The following CCNYL1 variants were observed in gnomAD, a reference collection of about 807,000 sequenced individuals.
CCNYL1 encodes cyclin Y like 1, also known as cyclin-Y-like protein 1.
Under a neutral mutation model 44.2 loss-of-function variants are expected in CCNYL1, and 16 were observed. The ratio of observed to expected loss-of-function variants is 0.36; its 90% CI spans 0.25 to 0.55. The LOEUF is 0.55. CCNYL1 is among the 20% of genes least tolerant of loss of function. The pLI, the probability that CCNYL1 is intolerant of heterozygous loss-of-function variation, is 0.85. For synonymous variants in CCNYL1, 159 were observed against 163.2 expected (o/e 0.97, Z 0.20); for missense variants, 348 against 451.8 (o/e 0.77, Z 2.08).
chr2:207,729,259 CGCCCCCACCCCACCCCCCCCA>C (rs2091704889), intron 3 of CCNYL1, among the ~76,000 whole-genome samples: 1 of 85,570 alleles, frequency 1.2e-5, no homozygotes, highest in African/African-American at 6.6e-5. Context: ...CGCCCCCCCC[CGCCCCCACCCCACCCCCCCCA>C]CCCCCCCGCA....
At chr2:207,733,253 T>C (rs923728799) in intron 3 of CCNYL1, among the ~76,000 whole-genome samples, 1 of 152,244 alleles carries the variant, frequency 6.6e-6, no homozygotes, top group South Asian at 2.1e-4. Flanking sequence ...CATTTTGAAA[T>C]GGAGAGTGTT....
intron 2 of CCNYL1, among the ~76,000 whole-genome samples, chr2:207,725,608 A>G (rs1203332945): frequency 6.6e-6 from 1 of 152,200 alleles, no homozygotes; most frequent in Non-Finnish European, 1.5e-5. Flanking sequence ...CAATGCTCTA[A>G]CCACATGAGC....
At chr2:207,750,694 G>GTT (rs769977230) in intron 8 of CCNYL1, 6 of 352,926 alleles carry the variant, frequency 1.7e-5, no homozygotes, top group Non-Finnish European at 3.1e-5. Flanking sequence ...ATGGAACTCT[G>GTT]AAGAATGAGG....
At chr2:207,721,739 T>G (rs1559165312) in intron 1 of CCNYL1, among the ~76,000 whole-genome samples, 4 of 152,076 alleles carry the variant, frequency 2.6e-5, no homozygotes, top group Non-Finnish European at 5.9e-5. Context: ...TTTTTGTTTT[T>G]TTTTTTTTTG....
At chr2:207,743,818 G>GTTTTTT (rs2091831120) in intron 7 of CCNYL1, among the ~76,000 whole-genome samples, 1 of 150,986 alleles carries the variant, frequency 6.6e-6, no homozygotes, top group African/African-American at 2.5e-5. Flanking sequence ...TTTTGTTTTT[G>GTTTTTT]TTTTTGTTTT....
At chr2:207,716,267 T>C (rs1251604823) in intron 1 of CCNYL1, among the ~76,000 whole-genome samples, 1 of 152,110 alleles carries the variant, frequency 6.6e-6, no homozygotes, top group Non-Finnish European at 1.5e-5. Flanking sequence ...AGGGAAAGAA[T>C]TGGCAATGTA....
At chr2:207,713,042 C>T (rs889621306) in intron 1 of CCNYL1, among the ~76,000 whole-genome samples, 1 of 151,884 alleles carries the variant, frequency 6.6e-6, no homozygotes, top group Non-Finnish European at 1.5e-5. Flanking sequence ...TCTCTAACTC[C>T]AGAGTTCTTG....
chr2:207,739,256 T>A (rs183148566), intron 5 of CCNYL1, among the ~76,000 whole-genome samples: 1 of 150,994 alleles, frequency 6.6e-6, no homozygotes, highest in East Asian at 2.0e-4. Flanking sequence ...CTTTTGAGAC[T>A]GAGTCTCACT....
chr2:207,747,332 T>A, intron 8 of CCNYL1, 119 bp downstream of exon 8: 1 of 774,698 alleles, frequency 1.3e-6, no homozygotes. Context: ...GAAATAGGCA[T>A]AAGACTATAT....
rs182085461 is a variant in CCNYL1 at position 207,716,912 on chromosome 2, A to G, written c.220+4796A>G. Among the ~76,000 whole-genome samples the G allele has an allele frequency of 8.4e-3, 1,282 of 152,230 alleles. 19 individuals carry two copies. Among genetic ancestry groups the G allele is most frequent in the African/African-American group, 0.029 (1,192 of 41,544 alleles). On this transcript the variant is annotated intron_variant, in intron 1 of 9. Coordinates refer to ENST00000295414, the MANE Select transcript of CCNYL1 (RefSeq NM_001330218.2). ...ATCACGAGGTCAGGAGATCGAGACCATCCTGGCTAACACGGTGAAACCCCG... is the reference window on the plus strand; with the variant it reads ...ATCACGAGGTCAGGAGATCGAGACCGTCCTGGCTAACACGGTGAAACCCCG...
At chr2:207,741,994 TACAA>T (rs1451102289) in intron 6 of CCNYL1, among the ~76,000 whole-genome samples, 16 of 148,182 alleles carry the variant, frequency 1.1e-4, no homozygotes, top group African/African-American at 4.0e-4. Flanking sequence ...CTACTAAAAA[TACAA>T]AAACTAGCTG....
Position 207,712,017 on chromosome 2 carries a change from G to T in CCNYL1, c.121G>T (p.Val41Leu). The T allele has an allele frequency of 6.7e-7, 1 of 1,491,752 alleles. No homozygotes were observed. Among genetic ancestry groups the T allele is most frequent in the Non-Finnish European group, 8.9e-7 (1 of 1,120,112 alleles). The allele number at this position is 1,491,752 out of a possible 1,614,324, so 92.4% of individuals were successfully genotyped here. Residue 41 changes from valine to leucine, a missense_variant, in exon 1 of 10, where the codon GTG (valine) becomes TTG (leucine). Transcript: ENST00000295414. ...CTACGAGGCGGTGTCCGGGGACGCG[G>T]TGGCGGTAGCGCCCGCTGTGGTGGA... is the stretch of plus-strand genomic sequence containing the variant. ...DIYEAVSGDA[V>L]AVAPAVVEPA...
At chr2:207,742,011 C>G (rs552747674) in intron 6 of CCNYL1, among the ~76,000 whole-genome samples, 2 of 151,262 alleles carry the variant, frequency 1.3e-5, no homozygotes, top group Admixed American at 1.3e-4. Flanking sequence ...ACTAGCTGGG[C>G]GTGGTGGCGG....
At chr2:207,739,422 G>C (rs2091791011) in intron 5 of CCNYL1, among the ~76,000 whole-genome samples, 1 of 152,006 alleles carries the variant, frequency 6.6e-6, no homozygotes, top group Non-Finnish European at 1.5e-5. Context: ...TAGAGATGGG[G>C]TTTCACCCTG....
intron 8 of CCNYL1, 114 bp from the exon 9 acceptor site, chr2:207,750,843 A>T: frequency 1.2e-6 from 1 of 834,272 alleles, no homozygotes; most frequent in Non-Finnish European, 1.9e-6. Flanking sequence ...TGGGTAGCCT[A>T]TATTTTAAAA....
At chr2:207,740,516 G>A (rs1035430500) in intron 5 of CCNYL1, 139 bp from the exon 6 acceptor site, 2 of 668,114 alleles carry the variant, frequency 3.0e-6, no homozygotes. Context: ...TCCCGGAGAA[G>A]AATTTGTACA....
chr2:207,742,407 T>G, intron 7 of CCNYL1, 65 bp downstream of exon 7: 2 of 1,412,950 alleles, frequency 1.4e-6, no homozygotes, highest in Non-Finnish European at 1.9e-6. Flanking sequence ...TATGGTCCTA[T>G]TTTTCAAATA....
intron 7 of CCNYL1, among the ~76,000 whole-genome samples, chr2:207,746,022 CTT>C (rs1327683086): frequency 1.3e-5 from 2 of 152,122 alleles, no homozygotes; most frequent in Non-Finnish European, 2.9e-5. Flanking sequence ...CCTCTGAAAT[CTT>C]TACTCAGCTG....
intron 8 of CCNYL1, 89 bp from the exon 9 acceptor site, chr2:207,750,868 A>G (rs1203069550): frequency 2.6e-6 from 3 of 1,142,700 alleles, no homozygotes; most frequent in Non-Finnish European, 2.5e-6. Flanking sequence ...GTTTAGAGCC[A>G]TTCTAGTCTC....
Sources: gnomAD v4.1 joint callset for allele counts (sites outside exome capture counted in the v4.1 genomes callset) on GRCh38, gnomAD v4.1.1 for gene constraint, MANE v1.5 for transcripts, NCBI Gene and HGNC (gene_info 2026-07-23, HGNC 2026-07-21) for gene names.